Variants in YWHAZ observed in about 807,000 individuals in gnomAD.
YWHAZ encodes the protein 14-3-3 protein zeta/delta.
For missense variants in YWHAZ, 79 were observed against 284.8 expected (o/e 0.28, Z 5.20); for synonymous variants, 87 against 103.6 (o/e 0.84, Z 0.97).
chr8:100,926,770 T>C (rs1463060802), intron 2 of YWHAZ, among the ~76,000 whole-genome samples: 1 of 152,244 alleles, frequency 6.6e-6, no homozygotes, highest in Non-Finnish European at 1.5e-5. Context: ...ACAATGCTTT[T>C]TACCACCTAT....
intron 2 of YWHAZ, among the ~76,000 whole-genome samples, chr8:100,943,502 A>AT: frequency 6.6e-6 from 1 of 152,362 alleles, no homozygotes; most frequent in East Asian, 1.9e-4. Flanking sequence ...GTCCAATGAC[A>AT]TTTAATTCAG....
intron 2 of YWHAZ, among the ~76,000 whole-genome samples, chr8:100,935,488 C>T (rs1814080753): frequency 6.6e-6 from 1 of 152,162 alleles, no homozygotes; most frequent in South Asian, 2.1e-4. Flanking sequence ...GAATATTCTG[C>T]TGTAAGAGAC....
chr8:100,944,926 C>A (rs1344971035), intron 2 of YWHAZ, among the ~76,000 whole-genome samples: 1 of 152,138 alleles, frequency 6.6e-6, no homozygotes, highest in Non-Finnish European at 1.5e-5. Context: ...TTATTCACCT[C>A]GACATACTTC....
At chr8:100,926,477 A>G (rs1376648800) in intron 2 of YWHAZ, among the ~76,000 whole-genome samples, 1 of 152,290 alleles carries the variant, frequency 6.6e-6, no homozygotes, top group Non-Finnish European at 1.5e-5. Context: ...CTAAAAATAC[A>G]AAAATTAGCC....
chr8:100,922,402 T>G lies in YWHAZ; in HGVS notation c.678+1553A>C, dbSNP rs75642897. The G allele has an allele frequency of 6.6e-6, 1 of 151,462 alleles. No homozygotes were observed. The highest frequency in any genetic ancestry group is 2.4e-5 in the African/African-American group (1 of 41,062). 9.4% of individuals were successfully genotyped at this position (151,462 alleles called of 1,614,324 possible). A position where few individuals can be genotyped will look rare whatever the true frequency, so the allele number is the denominator to read the frequency against. The stretch of plus-strand genomic sequence containing the variant: ...GTTTTTTCTTTTCTTTTTTTTTTTT[T>G]TTGAGACAGAGTCTCGCTCTTTTGC... On this transcript the variant is annotated intron_variant, in intron 5 of 5. Coordinates refer to ENST00000395958, the MANE Select transcript of YWHAZ (RefSeq NM_145690.3). This position sits in a 1 kb window ranked among gnomAD's most constrained non-coding sequence, Gnocchi z 4.1.
intron 2 of YWHAZ, among the ~76,000 whole-genome samples, chr8:100,932,447 C>T (rs1467417240): frequency 6.6e-6 from 1 of 151,994 alleles, no homozygotes; most frequent in Non-Finnish European, 1.5e-5. Context: ...AGGAAAAAAC[C>T]CTAAACGGTA....
At chr8:100,932,370 G>A (rs754151164) in intron 2 of YWHAZ, among the ~76,000 whole-genome samples, 12 of 151,926 alleles carry the variant, frequency 7.9e-5, no homozygotes, top group Admixed American at 3.9e-4. Context: ...TAATATTTAA[G>A]TAATATTACC....
In YWHAZ at chr8:100,924,654, G is replaced by A. The variant is rs1278965070; in HGVS notation, c.418+262C>T. Among the ~76,000 whole-genome samples, 3 of 152,112 alleles carry A rather than the reference G, an allele frequency of 2.0e-5. No individual in the cohort carries two copies. The highest frequency in any genetic ancestry group is 6.6e-5 in the Admixed American group (1 of 15,264). On this transcript the variant is annotated intron_variant, in intron 3 of 5. Transcript: ENST00000395958. The surrounding 1 kb of genome is among the most constrained non-coding windows in gnomAD (Gnocchi z 5.7). ...GCTAATTTTCAAAATATTTTTTGTA[G>A]AGAGAGATGTTGCTCAGGCTGGTCA...
rs558796339 is a variant in YWHAZ at position 100,951,472 on chromosome 8, CCCG to C, written c.-12+454_-12+456del. 4.2e-3 allele frequency: 4,065 copies of C among 970,750 alleles called. 115 individuals are homozygous for C. In the African/African-American group the frequency reaches 0.061, roughly 15 times the overall value. 60.1% of individuals were successfully genotyped at this position (970,750 alleles called of 1,614,324 possible). A position where few individuals can be genotyped will look rare whatever the true frequency, so the allele number is the denominator to read the frequency against. On this transcript the variant is annotated intron_variant, in intron 1 of 5. Coordinates refer to ENST00000395958, the MANE Select transcript of YWHAZ (RefSeq NM_145690.3). ...CGGCCTCACCTGCGCCACTGCGATG[CCCG>C]CCGCCGCCGCCGCCGAGTCATTATC...
rs1417316114 is a variant in YWHAZ, at chr8:100,918,443, T to TATA, written c.*2249_*2250insTAT. On this transcript the variant is annotated 3_prime_UTR_variant, in exon 6 of 6. Transcript: ENST00000395958. ...ATATATATATATATATATATATATA[T>TATA]AATTATTTTACCTCCTTGGCTTGGG... The TATA allele has an allele frequency of 9.4e-5, 11 of 117,058 alleles. No homozygotes were observed. The East Asian group carries it at 2.1e-3, about 23-fold the overall frequency. The allele number at this position is 117,058 out of a possible 1,614,324, so 7.3% of individuals were successfully genotyped here. A position where few individuals can be genotyped will look rare whatever the true frequency, so the allele number is the denominator to read the frequency against.
chr8:100,916,665 G>C lies in YWHAZ; in HGVS notation c.*4028C>G, dbSNP rs1257573564. 2 of 152,194 alleles carry C rather than the reference G, an allele frequency of 1.3e-5. No homozygotes were observed. The highest frequency in any genetic ancestry group is 2.1e-4 in the South Asian group (1 of 4,828). 9.4% of individuals were successfully genotyped at this position (152,194 alleles called of 1,614,324 possible). A position where few individuals can be genotyped will look rare whatever the true frequency, so the allele number is the denominator to read the frequency against. On this transcript the variant is annotated 3_prime_UTR_variant, in exon 6 of 6. Transcript: ENST00000395958. ...ACTTTCAAGGAATGAACTCAAATAT[G>C]ATCAAATATTCACATCTCTGGTATC...
In YWHAZ at chr8:100,948,026, GC is replaced by G; in HGVS notation, c.294+569del. Reference sequence around the variant, plus strand: ...TACTCGATTCAAACTGGAAAATCAAGCTTGAGTTGTTCATAACCTTTCATCA... The same window carrying G: ...TACTCGATTCAAACTGGAAAATCAAGTTGAGTTGTTCATAACCTTTCATCA... On this transcript the variant is annotated intron_variant, in intron 2 of 5. Transcript: ENST00000395958. The surrounding 1 kb of genome is among the most constrained non-coding windows in gnomAD (Gnocchi z 4.2). 7.3e-7 allele frequency: 1 copy of G among 1,365,056 alleles called. No individual in the cohort carries two copies. Among genetic ancestry groups the G allele is most frequent in the Non-Finnish European group, 1.0e-6 (1 of 1,002,054 alleles). The allele number at this position is 1,365,056 out of a possible 1,614,324, so 84.6% of individuals were successfully genotyped here.
chr8:100,928,032 C>A (rs1163792016), intron 2 of YWHAZ, among the ~76,000 whole-genome samples: 1 of 152,182 alleles, frequency 6.6e-6, no homozygotes, highest in African/African-American at 2.4e-5. Flanking sequence ...GTAATCCCAA[C>A]ACTTTGGGAG....
At chr8:100,921,017 G>A (rs1019587478) in intron 5 of YWHAZ, among the ~76,000 whole-genome samples, 2 of 152,106 alleles carry the variant, frequency 1.3e-5, no homozygotes, top group African/African-American at 2.4e-5. Context: ...TCCACAGAAG[G>A]TGAAGAGAAA....
upstream of YWHAZ, chr8:100,952,099 G>T: frequency 1.0e-6 from 1 of 986,848 alleles, no homozygotes; most frequent in Non-Finnish European, 1.2e-6. Context: ...GGCAGCAGGG[G>T]CACCACACGC....
At position 100,918,370 on chromosome 8, in the gene YWHAZ, T is replaced by C. The variant is rs1163360569; in HGVS notation, c.*2323A>G. On this transcript the variant is annotated 3_prime_UTR_variant, in exon 6 of 6. Transcript: ENST00000395958. ...AAAAAAAAAAAAAACAACAAAAAAA[T>C]TCCCACCTCTTCAGTCTAGCTATAA... 11 of 118,514 alleles carry C rather than the reference T, an allele frequency of 9.3e-5. 1 individual carries two copies. The Admixed American group carries it at 1.1e-3, about 11-fold the overall frequency. 7.3% of individuals were successfully genotyped at this position (118,514 alleles called of 1,614,324 possible).
intron 2 of YWHAZ, among the ~76,000 whole-genome samples, chr8:100,939,262 C>T (rs1814436580): frequency 6.6e-6 from 1 of 151,946 alleles, no homozygotes. Context: ...AAAGGGCTAG[C>T]AGGAAGTGAG....
upstream of YWHAZ, chr8:100,952,870 G>A (rs1325766116): frequency 3.0e-6 from 3 of 1,000,456 alleles, no homozygotes; most frequent in Non-Finnish European, 3.6e-6. Flanking sequence ...GGGGGAAGCG[G>A]TCCTAGACCT....
chr8:100,948,729 G>A lies in YWHAZ; in HGVS notation c.161C>T (p.Ala54Val). ...LSVAYKNVVG[A>V]RRSSWRVVSS... ...GACGACCCTCCAAGATGACCTACGGGCTCCTACAACATTTTTATAAGCAAC... is the reference window on the plus strand; with the variant it reads ...GACGACCCTCCAAGATGACCTACGGACTCCTACAACATTTTTATAAGCAAC... Residue 54 changes from alanine to valine, a missense_variant, in exon 2 of 6, where the codon GCC becomes GTC. Coordinates refer to ENST00000395958, the MANE Select transcript of YWHAZ (RefSeq NM_145690.3). This position sits in a 1 kb window ranked among gnomAD's most constrained non-coding sequence, Gnocchi z 4.2. The A allele has an allele frequency of 6.3e-7, 1 of 1,599,946 alleles. No individual in the cohort carries two copies. The highest frequency in any genetic ancestry group is 8.5e-7 in the Non-Finnish European group (1 of 1,179,870).
Sources: allele counts gnomAD v4.1 joint callset (sites outside exome capture counted in the v4.1 genomes callset), GRCh38; gene constraint gnomAD v4.1.1; non-coding constraint Gnocchi (gnomAD v3.1); transcripts MANE v1.5; gene names NCBI Gene and HGNC (gene_info 2026-07-23, HGNC 2026-07-21).